Variants in CTNNA2 observed in about 807,000 individuals in gnomAD.
CTNNA2 encodes catenin alpha-2.
In CTNNA2, 42 loss-of-function variants were observed where a neutral mutation model predicts 101.0. That is an observed-to-expected ratio of 0.42 (90% CI 0.32 to 0.54). The LOEUF is 0.54. CTNNA2 is among the 20% of genes least tolerant of loss of function. The probability of loss-of-function intolerance (pLI) is 0.14; values close to 1 mark genes in which losing one functional copy is unlikely to be tolerated. For synonymous variants in CTNNA2, 450 were observed against 456.4 expected (o/e 0.99, Z 0.18); for missense variants, 871 against 1,223.1 (o/e 0.71, Z 4.29).
rs1400071926 is a variant in CTNNA2, at chr2:80,640,027, G to A, written c.2575-7558G>A. On this transcript the variant is annotated intron_variant, in intron 18 of 18. Transcript: ENST00000402739. ...TGAGGTAGGAGAATCGCTTGAACCC[G>A]GTAGGCGGAGGTTGCAGTGAGCCGA... Among the ~76,000 whole-genome samples the A allele has an allele frequency of 4.6e-5, 7 of 151,936 alleles. No individual in the cohort carries two copies. The South Asian group carries it at 6.2e-4, about 14-fold the overall frequency.
intron 7 of CTNNA2, among the ~76,000 whole-genome samples, chr2:79,994,521 AT>A (rs1336498499): frequency 6.6e-6 from 1 of 152,010 alleles, no homozygotes; most frequent in Non-Finnish European, 1.5e-5. Flanking sequence ...CCAGACAGTC[AT>A]TGGATCCCCA....
At chr2:79,896,377 A>T (rs2104248594) in intron 6 of CTNNA2, among the ~76,000 whole-genome samples, 1 of 152,336 alleles carries the variant, frequency 6.6e-6, no homozygotes, top group Admixed American at 6.5e-5. Flanking sequence ...ACTGAACCAC[A>T]TCAATTGCTA....
At chr2:79,726,123 A>C (rs1686823453) in intron 2 of CTNNA2, among the ~76,000 whole-genome samples, 1 of 152,162 alleles carries the variant, frequency 6.6e-6, no homozygotes, top group Non-Finnish European at 1.5e-5. Context: ...AACCTTTGAC[A>C]CTAGATTGGT....
chr2:80,531,627 C>T (rs1573159333), intron 9 of CTNNA2, among the ~76,000 whole-genome samples: 3 of 152,176 alleles, frequency 2.0e-5, no homozygotes, highest in Non-Finnish European at 4.4e-5. Flanking sequence ...CCTTCTGGGT[C>T]TTCTGCTCCA....
At chr2:80,124,717 G>A (rs1024319333) in intron 7 of CTNNA2, among the ~76,000 whole-genome samples, 3 of 152,134 alleles carry the variant, frequency 2.0e-5, no homozygotes, top group South Asian at 2.1e-4. Context: ...AATGTACAGC[G>A]TTGCCATGCA....
At chr2:80,277,812 A>G (rs1674039096) in intron 7 of CTNNA2, among the ~76,000 whole-genome samples, 2 of 152,122 alleles carry the variant, frequency 1.3e-5, no homozygotes, top group South Asian at 4.1e-4. Context: ...TTTGTCATCA[A>G]CCACGTCAAC....
intron 2 of CTNNA2, among the ~76,000 whole-genome samples, chr2:79,669,455 T>C (rs905014521): frequency 1.4e-4 from 21 of 152,308 alleles, no homozygotes; most frequent in African/African-American, 3.6e-4. Context: ...GTTCTTGTCC[T>C]GCATACAGGA....
At chr2:79,774,399 A>T (rs1673813709) in intron 3 of CTNNA2, among the ~76,000 whole-genome samples, 1 of 152,154 alleles carries the variant, frequency 6.6e-6, no homozygotes, top group Non-Finnish European at 1.5e-5. Context: ...GCCTCCAGTC[A>T]TGGGAACTAA....
intron 7 of CTNNA2, among the ~76,000 whole-genome samples, chr2:80,105,171 C>T (rs1322476337): frequency 6.6e-6 from 1 of 152,204 alleles, no homozygotes; most frequent in East Asian, 1.9e-4. Flanking sequence ...CAGTAAAATA[C>T]ACCAACAGAA....
chr2:79,923,851 A>T (rs563901541), intron 7 of CTNNA2, among the ~76,000 whole-genome samples: 1 of 152,052 alleles, frequency 6.6e-6, no homozygotes, highest in African/African-American at 2.4e-5. Context: ...AGTATTTGTC[A>T]TTTTGTGTTG....
In CTNNA2 at chr2:79,423,897, C is replaced by G. The variant is rs144478624; in HGVS notation, c.-135+49884C>G. Among the ~76,000 whole-genome samples the G allele has an allele frequency of 5.0e-3, 764 of 152,178 alleles. 19 individuals are homozygous for G. The highest frequency in any genetic ancestry group is 0.045 in the Admixed American group (682 of 15,262). On this transcript the variant is annotated intron_variant, in intron 4 of 21. Transcript: ENST00000466387. ...TATTGTTCTTCAGAACTCTGTCTTT[C>G]CTACTTGGAAACTTTGCCAGATCCT... is the stretch of plus-strand genomic sequence containing the variant.
chr2:79,331,591 G>T (rs1676873755), intron 3 of CTNNA2, among the ~76,000 whole-genome samples: 1 of 152,074 alleles, frequency 6.6e-6, no homozygotes, highest in African/African-American at 2.4e-5. Context: ...CCTCACAGTG[G>T]GTCTCCACTG....
At chr2:80,366,140 C>G (rs893360450) in intron 7 of CTNNA2, among the ~76,000 whole-genome samples, 1 of 147,540 alleles carries the variant, frequency 6.8e-6, no homozygotes, top group African/African-American at 2.5e-5. Context: ...CAGGGAAGAC[C>G]TAAGGACTTC....
At chr2:80,321,799 T>C (rs767000600) in intron 7 of CTNNA2, among the ~76,000 whole-genome samples, 3 of 152,180 alleles carry the variant, frequency 2.0e-5, no homozygotes, top group Non-Finnish European at 4.4e-5. Flanking sequence ...TTAATGTAAA[T>C]TGAGTTTTTA....
rs1015625138 is a variant in CTNNA2, at chr2:79,935,267, A to G, written c.1056+25470A>G. Among the ~76,000 whole-genome samples the G allele has an allele frequency of 7.2e-5, 11 of 152,008 alleles. No homozygotes were observed. The South Asian group carries it at 2.3e-3, about 32-fold the overall frequency. ...AGGGGGCAGAGCCTCCAAAAAATTA[A>G]ATGCCTTGTCCAAAGTCACATGGAG... On this transcript the variant is annotated intron_variant, in intron 7 of 18. Coordinates refer to ENST00000402739, the MANE Select transcript of CTNNA2 (RefSeq NM_001282597.3).
At chr2:79,356,693 C>T (rs115366410) in intron 3 of CTNNA2, among the ~76,000 whole-genome samples, 3,738 of 152,268 alleles carry the variant, frequency 0.025, 75 homozygotes, top group Non-Finnish European at 0.033. Context: ...AGCCTCCAGT[C>T]TAGTTGCCTC....
intron 3 of CTNNA2, among the ~76,000 whole-genome samples, chr2:79,792,462 T>C (rs1245887047): frequency 6.6e-6 from 1 of 152,202 alleles, no homozygotes; most frequent in Non-Finnish European, 1.5e-5. Flanking sequence ...GCTGACTTTT[T>C]AGCTTGCAGT....
At chr2:80,054,230 G>A (rs138328324) in intron 7 of CTNNA2, among the ~76,000 whole-genome samples, 1 of 152,270 alleles carries the variant, frequency 6.6e-6, no homozygotes, top group African/African-American at 2.4e-5. Flanking sequence ...AAGCCTCTAG[G>A]GAGCCATTTA....
chr2:79,764,469 T>C (rs1007297977), intron 3 of CTNNA2, among the ~76,000 whole-genome samples: 3 of 152,200 alleles, frequency 2.0e-5, no homozygotes, highest in African/African-American at 7.2e-5. Context: ...TGAAGTCTAG[T>C]AATGTTGAAA....
Sources: allele counts gnomAD v4.1 joint callset (sites outside exome capture counted in the v4.1 genomes callset), GRCh38; gene constraint gnomAD v4.1.1; transcripts MANE v1.5; gene names NCBI Gene and HGNC (gene_info 2026-07-23, HGNC 2026-07-21).